HIVEP2: variants seen among roughly 807,000 people sequenced by gnomAD.
HIVEP2 encodes the protein HIVEP zinc finger 2.
Under a neutral mutation model 180.7 loss-of-function variants are expected in HIVEP2, and 14 were observed. That is an observed-to-expected ratio of 0.08 (90% confidence interval 0.05 to 0.12). HIVEP2 has a LOEUF of 0.12. HIVEP2 is among the 10% of genes least tolerant of loss of function. HIVEP2 has a pLI of 1.00. For missense variants in HIVEP2, 2,579 were observed against 3,008.5 expected (o/e 0.86, Z 3.34); for synonymous variants, 1,184 against 1,136.4 (o/e 1.04, Z -0.84).
intron 3 of HIVEP2, among the ~76,000 whole-genome samples, chr6:142,778,973 A>C (rs1181400950): frequency 6.6e-6 from 1 of 152,244 alleles, no homozygotes; most frequent in Non-Finnish European, 1.5e-5. Context: ...ATTTCCTAGA[A>C]ATAAAAAAAT....
chr6:142,859,318 A>G (rs572723914), intron 1 of HIVEP2, among the ~76,000 whole-genome samples: 1 of 152,138 alleles, frequency 6.6e-6, no homozygotes, highest in South Asian at 2.1e-4. Flanking sequence ...AAATTAAAAA[A>G]TGTGTGATGG....
intron 1 of HIVEP2, among the ~76,000 whole-genome samples, chr6:142,847,481 G>T (rs942775093): frequency 6.6e-6 from 1 of 151,792 alleles, no homozygotes; most frequent in East Asian, 1.9e-4. Context: ...GATTTAAAAT[G>T]GTCACTGCTG....
Position 142,930,659 on chromosome 6 carries a change from A to C in HIVEP2, c.-641+14440T>G, listed in dbSNP as rs185923891. Among the ~76,000 whole-genome samples the C allele has an allele frequency of 8.8e-4, 134 of 152,298 alleles. 3 individuals are homozygous for C. In the Middle Eastern group the frequency reaches 0.01, roughly 12 times the overall value. ...TATATTCTCAGATGGAAATATATTTACATAGTACTCAAGTGTTTGAGAGCA... is the reference window on the plus strand; with the variant it reads ...TATATTCTCAGATGGAAATATATTTCCATAGTACTCAAGTGTTTGAGAGCA... On this transcript the variant is annotated intron_variant, in intron 1 of 9. Transcript: ENST00000367603.
intron 1 of HIVEP2, among the ~76,000 whole-genome samples, chr6:142,926,872 A>T (rs1471206542): frequency 1.3e-5 from 2 of 151,770 alleles, no homozygotes; most frequent in Non-Finnish European, 2.9e-5. Flanking sequence ...TTCTCCCGGC[A>T]GGAAGGGGGG....
chr6:142,871,617 T>TAA (rs35262877), intron 1 of HIVEP2, among the ~76,000 whole-genome samples: 34 of 147,230 alleles, frequency 2.3e-4, no homozygotes, highest in South Asian at 6.4e-4. Flanking sequence ...AGATCAGAAG[T>TAA]AAAAAAAAAA....
chr6:142,756,797 T>TTATCTATG, intron 9 of HIVEP2, among the ~76,000 whole-genome samples: 1 of 150,030 alleles, frequency 6.7e-6, no homozygotes, highest in South Asian at 2.1e-4. Context: ...AAAAGATACC[T>TTATCTATG]TATCTATCTA....
intron 2 of HIVEP2, among the ~76,000 whole-genome samples, chr6:142,787,115 G>A (rs1244798166): frequency 6.6e-6 from 1 of 151,976 alleles, no homozygotes; most frequent in Non-Finnish European, 1.5e-5. Context: ...ATTTAAGCAG[G>A]TGTGGTGGTG....
intron 2 of HIVEP2, among the ~76,000 whole-genome samples, chr6:142,833,624 G>A (rs758069909): frequency 6.6e-5 from 10 of 152,168 alleles, no homozygotes; most frequent in African/African-American, 1.4e-4. Flanking sequence ...ATGCATGAAC[G>A]AATGAAGGTA....
chr6:142,854,834 A>G (rs1236254755), intron 1 of HIVEP2, among the ~76,000 whole-genome samples: 1 of 152,204 alleles, frequency 6.6e-6, no homozygotes, highest in East Asian at 1.9e-4. Flanking sequence ...GCAGCCACCC[A>G]GTATTAAAGC....
At chr6:142,944,984 G>A (rs1778282561) in intron 1 of HIVEP2, 115 bp downstream of exon 1, 1 of 150,756 alleles carries the variant, frequency 6.6e-6, no homozygotes. Flanking sequence ...TCACTGAAAT[G>A]CCCAGAGCCA....
chr6:142,772,356 G>A lies in HIVEP2; in HGVS notation c.2383C>T (p.Pro795Ser). The change falls in exon 5 of 10, where the codon CCT becomes TCT. Residue 795 changes from proline to serine, a missense_variant. Pro to Ser is a moderately conservative substitution (Grantham distance 74, BLOSUM62 -1). Around this residue, in one of 11 missense-constraint regions of HIVEP2, gnomAD observed 524 missense variants for 563.6 expected, o/e 0.93. Transcript: ENST00000367603. This position sits in a 1 kb window ranked among gnomAD's most constrained non-coding sequence, Gnocchi z 4.9. ...TGAATCACAGAAATCACATTTCCAG[G>A]AGGTTTCCTGCCCCCTAGGTCTGAC... is the stretch of plus-strand genomic sequence containing the variant. ...KMSDLGGRKP[P>S]GNVISVIQHT... The A allele has an allele frequency of 6.2e-7, 1 of 1,614,180 alleles. No individual in the cohort carries two copies. Among genetic ancestry groups the A allele is most frequent in the Non-Finnish European group, 8.5e-7 (1 of 1,179,986 alleles).
rs1303826710 is a variant in HIVEP2, at chr6:142,793,663, C to CTTTCTTTCTTTCTTTTTTT, written c.-527-10049_-527-10048insAAAAAAAGAAAGAAAGAAA. ...TTCTTTCTTTCTTTCTTTCTTTTTT[C>CTTTCTTTCTTTCTTTTTTT]TTTCTTTCTTTCTCTCTCTCTCTCT... On this transcript the variant is annotated intron_variant, in intron 2 of 9. Transcript: ENST00000367603. Among the ~76,000 whole-genome samples, 10 of 109,470 alleles carry CTTTCTTTCTTTCTTTTTTT rather than the reference C, an allele frequency of 9.1e-5. No individual in the cohort carries two copies. In the East Asian group the frequency reaches 1.1e-3, roughly 12 times the overall value. 71.8% of individuals were successfully genotyped at this position (109,470 alleles called of 152,430 possible).
At chr6:142,871,469 T>G (rs530939062) in intron 1 of HIVEP2, among the ~76,000 whole-genome samples, 2 of 152,242 alleles carry the variant, frequency 1.3e-5, no homozygotes, top group African/African-American at 4.8e-5. Context: ...AAAATAATTT[T>G]GAAATATTTT....
intron 1 of HIVEP2, among the ~76,000 whole-genome samples, chr6:142,841,150 T>C (rs1775351849): frequency 6.6e-6 from 1 of 152,138 alleles, no homozygotes; most frequent in South Asian, 2.1e-4. Flanking sequence ...CCTGTAAATT[T>C]GTTTTAACCA....
intron 2 of HIVEP2, among the ~76,000 whole-genome samples, chr6:142,821,111 A>G (rs1024374652): frequency 9.9e-5 from 15 of 152,198 alleles, no homozygotes; most frequent in Admixed American, 2.6e-4. Context: ...ATTTTGCAGC[A>G]TTACTAAACT....
chr6:142,921,411 C>T (rs1292525773), intron 1 of HIVEP2, among the ~76,000 whole-genome samples: 3 of 152,024 alleles, frequency 2.0e-5, no homozygotes, highest in Non-Finnish European at 4.4e-5. Flanking sequence ...GGCACACGCC[C>T]GTAATCCCAG....
intron 2 of HIVEP2, among the ~76,000 whole-genome samples, chr6:142,830,193 T>C (rs1195220295): frequency 6.6e-6 from 1 of 152,202 alleles, no homozygotes; most frequent in Non-Finnish European, 1.5e-5. Context: ...TAGTACTTTT[T>C]TTTTAAAGCT....
intron 1 of HIVEP2, among the ~76,000 whole-genome samples, chr6:142,866,377 T>C (rs756877221): frequency 6.6e-6 from 1 of 152,202 alleles, no homozygotes; most frequent in African/African-American, 2.4e-5. Context: ...AGCATAATCA[T>C]TGATGCTCAA....
intron 1 of HIVEP2, among the ~76,000 whole-genome samples, chr6:142,938,361 C>A (rs1227914387): frequency 6.6e-6 from 1 of 152,226 alleles, no homozygotes. Flanking sequence ...CATATGTACA[C>A]TATTAAACTA....
Sources: gnomAD v4.1 joint callset for allele counts (sites outside exome capture counted in the v4.1 genomes callset) on GRCh38, gnomAD v4.1.1 for gene constraint, gnomAD v4.1.1 regional missense constraint, Gnocchi (gnomAD v3.1) non-coding constraint, MANE v1.5 for transcripts, NCBI Gene and HGNC (gene_info 2026-07-23, HGNC 2026-07-21) for gene names.